The following PLEKHA7 variants were observed in gnomAD, a reference collection of about 807,000 sequenced individuals.
PLEKHA7 encodes pleckstrin homology domain containing A7.
A neutral mutation model predicts 170.0 loss-of-function variants in PLEKHA7; 104 were observed. The observed-to-expected ratio is 0.61, with a 90% CI of 0.52 to 0.72. PLEKHA7 has a LOEUF of 0.72. Among genes scored for constraint, PLEKHA7 ranks in the 30% least tolerant of loss-of-function variants. The pLI is 0.00. For synonymous variants in PLEKHA7, 648 were observed against 660.8 expected (o/e 0.98, Z 0.30); for missense variants, 1,615 against 1,671.7 (o/e 0.97, Z 0.59).
intron 4 of PLEKHA7, among the ~76,000 whole-genome samples, chr11:16,866,760 C>G (rs559007986): frequency 5.6e-4 from 85 of 152,298 alleles, no homozygotes; most frequent in African/African-American, 2.0e-3. Context: ...GATACAGGAA[C>G]AAGAACACTC....
At chr11:16,941,450 G>A (rs750154556) in intron 3 of PLEKHA7, among the ~76,000 whole-genome samples, 8 of 152,146 alleles carry the variant, frequency 5.3e-5, no homozygotes, top group Non-Finnish European at 1.2e-4. Flanking sequence ...GGCACCACAG[G>A]AGAATCTGGT....
intron 13 of PLEKHA7, among the ~76,000 whole-genome samples, chr11:16,810,171 T>C (rs978558639): frequency 3.3e-5 from 5 of 152,262 alleles, no homozygotes; most frequent in Non-Finnish European, 7.3e-5. Flanking sequence ...CCTTTTCGAC[T>C]TAGCATGTTG....
chr11:16,915,539 A>T (rs1858588339), intron 3 of PLEKHA7, among the ~76,000 whole-genome samples: 1 of 117,064 alleles, frequency 8.5e-6, no homozygotes, highest in Non-Finnish European at 1.6e-5. Flanking sequence ...CAGTCCCCAG[A>T]GTGTGATGTT....
intron 3 of PLEKHA7, among the ~76,000 whole-genome samples, chr11:16,943,623 A>G (rs1860832945): frequency 6.6e-6 from 1 of 152,232 alleles, no homozygotes; most frequent in South Asian, 2.1e-4. Flanking sequence ...ATTGGGCAAG[A>G]AAATGGGAAT....
chr11:16,889,221 A>T (rs547283963), intron 3 of PLEKHA7, among the ~76,000 whole-genome samples: 72 of 151,528 alleles, frequency 4.8e-4, no homozygotes, highest in Middle Eastern at 3.4e-3. Flanking sequence ...AAGTCTTATG[A>T]TCTCCCCACC....
Position 16,858,136 on chromosome 11 carries a change from C to T in PLEKHA7, c.306-2222G>A, listed in dbSNP as rs1853623993. On this transcript the variant is annotated intron_variant, in intron 4 of 26. Coordinates refer to ENST00000531066, the MANE Select transcript of PLEKHA7 (RefSeq NM_001329630.2). The stretch of plus-strand genomic sequence containing the variant: ...AAAAACATCACCCATAGTCCAGCTA[C>T]TGAAAGGAAAACCATTTGTAACACT... 2.6e-5 allele frequency among the ~76,000 whole-genome samples: 4 copies of T among 152,320 alleles called. No individual in the cohort carries two copies. In the South Asian group the frequency reaches 6.2e-4, roughly 24 times the overall value.
In PLEKHA7 at chr11:16,797,875, C is replaced by T. The variant is rs141262464; in HGVS notation, c.2410-2857G>A. ...CCCCCTGATGCCTTTCTGTCACCCC[C>T]ACATGTGAGAAAAGAACAGAGAGCA... On this transcript the variant is annotated intron_variant, in intron 17 of 26. Coordinates refer to ENST00000531066, the MANE Select transcript of PLEKHA7 (RefSeq NM_001329630.2). 9.8e-4 allele frequency among the ~76,000 whole-genome samples: 149 copies of T among 152,234 alleles called. 1 individual carries two copies. The highest frequency in any genetic ancestry group is 3.4e-3 in the African/African-American group (142 of 41,532).
chr11:16,841,792 A>G, intron 8 of PLEKHA7, 70 bp from the exon 9 acceptor site: 1 of 1,491,706 alleles, frequency 6.7e-7, no homozygotes, highest in Non-Finnish European at 9.1e-7. Context: ...AGCAAAAGCA[A>G]GGAGGCACTA....
At chr11:16,800,607 GCTGT>G (rs1404058395) in intron 17 of PLEKHA7, among the ~76,000 whole-genome samples, 2 of 152,218 alleles carry the variant, frequency 1.3e-5, no homozygotes, top group South Asian at 2.1e-4. Flanking sequence ...ACTTCCTGCT[GCTGT>G]CTAAGTGATG....
At chr11:16,891,914 C>T (rs937198553) in intron 3 of PLEKHA7, among the ~76,000 whole-genome samples, 2 of 152,174 alleles carry the variant, frequency 1.3e-5, no homozygotes, top group African/African-American at 2.4e-5. Context: ...ATTATCAAGA[C>T]GGGAAGTAAT....
At chr11:16,790,616 A>C in intron 21 of PLEKHA7, 182 bp downstream of exon 21, 1 of 601,952 alleles carries the variant, frequency 1.7e-6, no homozygotes, top group Non-Finnish European at 2.9e-6. Context: ...GAGGAAGAGA[A>C]TCAGGATGTG....
At chr11:16,900,470 C>T (rs543498988) in intron 3 of PLEKHA7, among the ~76,000 whole-genome samples, 2 of 152,180 alleles carry the variant, frequency 1.3e-5, no homozygotes, top group Non-Finnish European at 2.9e-5. Flanking sequence ...AGCAATTATA[C>T]TTGGACAATA....
chr11:16,964,551 G>A (rs1348792903), intron 3 of PLEKHA7, among the ~76,000 whole-genome samples: 1 of 152,156 alleles, frequency 6.6e-6, no homozygotes, highest in African/African-American at 2.4e-5. Context: ...AACTTCCTGA[G>A]GGGCCTTGGG....
At chr11:16,930,283 T>C (rs1464133853) in intron 3 of PLEKHA7, among the ~76,000 whole-genome samples, 40 of 151,526 alleles carry the variant, frequency 2.6e-4, no homozygotes, top group Non-Finnish European at 1.5e-5. Flanking sequence ...CCCAAGTTTC[T>C]CAAAACAGTA....
chr11:16,857,857 T>C (rs1157236566), intron 4 of PLEKHA7, among the ~76,000 whole-genome samples: 1 of 152,192 alleles, frequency 6.6e-6, no homozygotes, highest in Non-Finnish European at 1.5e-5. Context: ...TAGTTAGTAT[T>C]ACAGGCGCTT....
At chr11:16,954,883 G>A (rs1055914028) in intron 3 of PLEKHA7, among the ~76,000 whole-genome samples, 1 of 151,874 alleles carries the variant, frequency 6.6e-6, no homozygotes, top group Non-Finnish European at 1.5e-5. Context: ...TTAGAGACGG[G>A]GTTTCACTAT....
chr11:16,987,241 T>C (rs1863784910), intron 3 of PLEKHA7, among the ~76,000 whole-genome samples: 6 of 150,440 alleles, frequency 4.0e-5, no homozygotes, highest in African/African-American at 1.5e-4. Flanking sequence ...ACCAAAAGCC[T>C]CCCCGACCTC....
intron 3 of PLEKHA7, among the ~76,000 whole-genome samples, chr11:17,010,908 A>C (rs970401815): frequency 2.0e-5 from 3 of 152,318 alleles, no homozygotes; most frequent in South Asian, 2.1e-4. Flanking sequence ...AAAACCCTTA[A>C]GTCTCTCAAA....
At chr11:16,875,060 A>G (rs562199871) in intron 3 of PLEKHA7, among the ~76,000 whole-genome samples, 78 of 152,362 alleles carry the variant, frequency 5.1e-4, no homozygotes, top group African/African-American at 1.6e-3. Flanking sequence ...TTAAAAAGCC[A>G]ACACAAAATA....
Sources: allele counts gnomAD v4.1 joint callset (sites outside exome capture counted in the v4.1 genomes callset), GRCh38; gene constraint gnomAD v4.1.1; transcripts MANE v1.5; gene names NCBI Gene and HGNC (gene_info 2026-07-23, HGNC 2026-07-21).